MEX3C: variants seen among roughly 807,000 people sequenced by gnomAD.
The protein encoded by MEX3C is mex-3 RNA binding family member C, also known as RNA-binding E3 ubiquitin-protein ligase MEX3C.
In MEX3C, 15 loss-of-function variants were observed where a neutral mutation model predicts 35.5. The ratio of observed to expected loss-of-function variants is 0.42; its 90% CI spans 0.28 to 0.65. MEX3C has a LOEUF of 0.65. Ranked by LOEUF, MEX3C falls within the 30% of genes least tolerant of loss-of-function variation. The pLI is 0.20. For missense variants in MEX3C, 711 were observed against 842.8 expected, an observed-to-expected ratio of 0.84 and a Z score of 1.94; for synonymous variants, 390 against 352.8, an observed-to-expected ratio of 1.11 and a Z score of -1.18.
intron 1 of MEX3C, among the ~76,000 whole-genome samples, chr18:51,180,778 T>G (rs7227660): frequency 1.3e-5 from 2 of 152,112 alleles, no homozygotes; most frequent in African/African-American, 4.8e-5. Flanking sequence ...CCATCGTGCC[T>G]GGCCACCAAC....
At chr18:51,192,593 T>C (rs1912675266) in intron 1 of MEX3C, among the ~76,000 whole-genome samples, 1 of 152,188 alleles carries the variant, frequency 6.6e-6, no homozygotes, top group South Asian at 2.1e-4. Context: ...TTTTAAATTA[T>C]GCATATTAGA....
In MEX3C at chr18:51,197,032, G is replaced by A; in HGVS notation, c.289C>T (p.Arg97Trp). 2 of 1,516,158 alleles carry A rather than the reference G, an allele frequency of 1.3e-6. No homozygotes were observed. The highest frequency in any genetic ancestry group is 1.8e-6 in the Non-Finnish European group (2 of 1,137,626). 93.9% of individuals were successfully genotyped at this position (1,516,158 alleles called of 1,614,324 possible). A position where few individuals can be genotyped will look rare whatever the true frequency, so the allele number is the denominator to read the frequency against. Residue 97 changes from arginine to tryptophan, a missense_variant, in exon 1 of 2, where the codon CGG (arginine) becomes TGG (tryptophan). Transcript: ENST00000406189. ...TCGGCCGCCTCCGGGGCCCCGGGCC[G>A]GCCGGGCGGAGCCCGCTCCTCTGGA... ...LSPEERAPPG[R>W]PGAPEAAELE...
At chr18:51,184,498 G>T (rs1912493394) in intron 1 of MEX3C, among the ~76,000 whole-genome samples, 1 of 152,158 alleles carries the variant, frequency 6.6e-6, no homozygotes, top group South Asian at 2.1e-4. Context: ...TAAAATGTTA[G>T]ATATATTACA....
chr18:51,182,648 A>G (rs1951645901), intron 1 of MEX3C, among the ~76,000 whole-genome samples: 1 of 152,244 alleles, frequency 6.6e-6, no homozygotes, highest in Admixed American at 6.5e-5. Flanking sequence ...ACTCCCTAAT[A>G]CAGCAAAGGA....
At chr18:51,190,155 G>A (rs940476407) in intron 1 of MEX3C, among the ~76,000 whole-genome samples, 1 of 152,130 alleles carries the variant, frequency 6.6e-6, no homozygotes, top group Non-Finnish European at 1.5e-5. Flanking sequence ...TTTTCCAGAA[G>A]AGAAAACAGG....
rs532734359 is a variant in MEX3C at position 51,181,307 on chromosome 18, A to C, written c.755-3731T>G. Reference sequence around the variant, plus strand: ...TTTCTCACTTTCTTACACACACACAAACACACACATACACGCATGCACACA... The same window carrying C: ...TTTCTCACTTTCTTACACACACACACACACACACATACACGCATGCACACA... On this transcript the variant is annotated intron_variant, in intron 1 of 1. Transcript: ENST00000406189. Among the ~76,000 whole-genome samples the C allele has an allele frequency of 2.3e-3, 337 of 144,182 alleles. 3 individuals are homozygous for C. The highest frequency in any genetic ancestry group is 7.8e-3 in the African/African-American group (315 of 40,584). The allele number at this position is 144,182 out of a possible 152,430, so 94.6% of individuals were successfully genotyped here.
rs779858592 is a variant in MEX3C, at chr18:51,176,326, A to G, written c.*25T>C. On this transcript the variant is annotated 3_prime_UTR_variant, in exon 2 of 2. Transcript: ENST00000406189. ...TGCCTTTACGAGTCCATATAGAGAT[A>G]TAGTATTTATGTATATATATATAGT... 5.8e-6 allele frequency: 9 copies of G among 1,562,506 alleles called. No individual in the cohort carries two copies. The Admixed American group carries it at 7.3e-5, about 13-fold the overall frequency.
In MEX3C at chr18:51,196,883, C is replaced by T; in HGVS notation, c.438G>A (p.Pro146=). 1.9e-6 allele frequency: 3 copies of T among 1,540,198 alleles called. No homozygotes were observed. Among genetic ancestry groups the T allele is most frequent in the Non-Finnish European group, 2.6e-6 (3 of 1,145,542 alleles). ...EDRSSLLLLS[P]PAATASQTQQ... Reference sequence around the variant, plus strand: ...GGGTCTGAGAGGCGGTGGCCGCGGGCGGCGACAGCAGCAGCAGCGACGACC... The same window carrying T: ...GGGTCTGAGAGGCGGTGGCCGCGGGTGGCGACAGCAGCAGCAGCGACGACC... Residue 146 remains proline, a synonymous_variant, in exon 1 of 2, where the codon CCG becomes CCA. Transcript: ENST00000406189.
rs1359549728 is a variant in MEX3C, at chr18:51,196,853, C to T, written c.468G>A (p.Gln156=). Residue 156 remains glutamine, a synonymous_variant, in exon 1 of 2, where the codon CAG becomes CAA. Coordinates refer to ENST00000406189, the MANE Select transcript of MEX3C (RefSeq NM_016626.5). ...CAGACCCCAGGGACCCGCCCGGGAT[C>T]TGCTGGGTCTGAGAGGCGGTGGCCG... is the stretch of plus-strand genomic sequence containing the variant. ...PPAATASQTQ[Q]IPGGSLGSVL... 6.5e-7 allele frequency: 1 copy of T among 1,538,440 alleles called. No homozygotes were observed.
chr18:51,175,481 G>A lies in MEX3C; in HGVS notation c.*870C>T, dbSNP rs1912279579. On this transcript the variant is annotated 3_prime_UTR_variant, in exon 2 of 2. Transcript: ENST00000406189. The stretch of plus-strand genomic sequence containing the variant: ...AAAAATAAAAATATATTTATAATGT[G>A]CAAGACAAATATGGATTGAACATAA... The A allele has an allele frequency of 6.6e-6, 1 of 152,556 alleles. No homozygotes were observed. Among genetic ancestry groups the A allele is most frequent in the African/African-American group, 2.4e-5 (1 of 41,414 alleles). 9.5% of individuals were successfully genotyped at this position (152,556 alleles called of 1,614,324 possible).
At chr18:51,191,529 C>A (rs913827780) in intron 1 of MEX3C, among the ~76,000 whole-genome samples, 3 of 152,122 alleles carry the variant, frequency 2.0e-5, no homozygotes, top group African/African-American at 7.2e-5. Flanking sequence ...ACAGAAGTGC[C>A]AAGTATCTAA....
Position 51,197,681 on chromosome 18 carries a change from T to C in MEX3C, c.-361A>G, listed in dbSNP as rs938691005. Among the ~76,000 whole-genome samples, 16 of 152,014 alleles carry C rather than the reference T, an allele frequency of 1.1e-4. No homozygotes were observed. Among genetic ancestry groups the C allele is most frequent in the African/African-American group, 3.9e-4 (16 of 41,512 alleles). Reference sequence around the variant, plus strand: ...GCTACGCCCCACGCCGCTCTCCGAATGAAGCCGGCGCGCTCTGATTGGGTG... The same window carrying C: ...GCTACGCCCCACGCCGCTCTCCGAACGAAGCCGGCGCGCTCTGATTGGGTG... On this transcript the variant is annotated 5_prime_UTR_variant, in exon 1 of 2. Transcript: ENST00000406189.
Position 51,176,845 on chromosome 18 carries a change from A to C in MEX3C, c.1486T>G (p.Ser496Ala), listed in dbSNP as rs113863556. The C allele has an allele frequency of 7.4e-4, 1,201 of 1,614,020 alleles. 18 individuals are homozygous for C. The African/African-American group carries it at 0.014, about 19-fold the overall frequency. The change falls in exon 2 of 2, where the codon TCT becomes GCT. Residue 496 changes from serine to alanine, a missense_variant. By Grantham distance (99) the Ser-to-Ala change is moderately conservative. Coordinates refer to ENST00000406189, the MANE Select transcript of MEX3C (RefSeq NM_016626.5). ...GTTGGTAAAGAGTCAAAGGCAGGAGAGTCAACTGCTAGGTCTTCTGAGCCT... is the reference window on the plus strand; with the variant it reads ...GTTGGTAAAGAGTCAAAGGCAGGAGCGTCAACTGCTAGGTCTTCTGAGCCT... ...SVGSEDLAVD[S>A]PAFDSLPTSA...
chr18:51,186,671 G>C (rs551525361), intron 1 of MEX3C, among the ~76,000 whole-genome samples: 1 of 152,208 alleles, frequency 6.6e-6, no homozygotes, highest in South Asian at 2.1e-4. Context: ...GAGACAAGAC[G>C]GGGGACTCAC....
intron 1 of MEX3C, among the ~76,000 whole-genome samples, chr18:51,190,419 TC>T (rs2144556644): frequency 6.6e-6 from 1 of 152,360 alleles, no homozygotes; most frequent in East Asian, 1.9e-4. Flanking sequence ...AGCCATTCCC[TC>T]CCCACTTCCC....
rs2144546860 is a variant in MEX3C at position 51,177,476 on chromosome 18, ATCT to A, written c.852_854del (p.Glu284del). 1 of 1,614,018 alleles carries A rather than the reference ATCT, an allele frequency of 6.2e-7. No homozygotes were observed. The highest frequency in any genetic ancestry group is 8.5e-7 in the Non-Finnish European group (1 of 1,179,892). On this transcript the variant is annotated inframe_deletion, in exon 2 of 2. Transcript: ENST00000406189. This position sits in a 1 kb window ranked among gnomAD's most constrained non-coding sequence, Gnocchi z 4.2. ...GGATCTCTCTTTTGGCCATGGCAAC[ATCT>A]TCTTTCCTTCCAGTGACAACAAAAA...
chr18:51,184,451 A>T (rs1410818007), intron 1 of MEX3C, among the ~76,000 whole-genome samples: 1 of 152,222 alleles, frequency 6.6e-6, no homozygotes, highest in African/African-American at 2.4e-5. Flanking sequence ...CAGAGCCCTT[A>T]AAAACTCCAC....
Position 51,197,107 on chromosome 18 carries a change from C to A in MEX3C, c.214G>T (p.Ala72Ser). The A allele has an allele frequency of 7.8e-6, 9 of 1,160,548 alleles. No homozygotes were observed. The highest frequency in any genetic ancestry group is 9.5e-6 in the Non-Finnish European group (9 of 945,506). The allele number at this position is 1,160,548 out of a possible 1,614,324, so 71.9% of individuals were successfully genotyped here. Reference protein sequence around the residue: ...PAEPGAPALRAPAAAAQGQAR... With the variant: ...PAEPGAPALRSPAAAAQGQAR... ...TGGCCCTGCGCCGCCGCTGCCGGGG[C>A]CCGAAGCGCCGGGGCGCCGGGCTCC... The change falls in exon 1 of 2, where the codon GCC becomes TCC. Residue 72 changes from alanine to serine, a missense_variant. Around this residue, in one of 4 missense-constraint regions of MEX3C, gnomAD observed 354 missense variants for 311.6 expected, o/e 1.14. Transcript: ENST00000406189.
chr18:51,181,917 T>C (rs1013434190), intron 1 of MEX3C, among the ~76,000 whole-genome samples: 3 of 152,212 alleles, frequency 2.0e-5, no homozygotes, highest in Non-Finnish European at 2.9e-5. Context: ...TTACTAGTCT[T>C]AGCATATTGA....
Sources: allele counts gnomAD v4.1 joint callset (sites outside exome capture counted in the v4.1 genomes callset), GRCh38; gene constraint gnomAD v4.1.1; regional missense constraint gnomAD v4.1.1; non-coding constraint Gnocchi (gnomAD v3.1); transcripts MANE v1.5; gene names NCBI Gene and HGNC (gene_info 2026-07-23, HGNC 2026-07-21).